CSMD1: variants seen among roughly 807,000 people sequenced by gnomAD.
CSMD1 encodes the protein CUB and sushi domain-containing protein 1.
A neutral mutation model predicts 417.5 loss-of-function variants in CSMD1; 213 were observed. That is an observed-to-expected ratio of 0.51 (90% confidence interval 0.46 to 0.57). The LOEUF is 0.57. Among genes scored for constraint, CSMD1 ranks in the 20% least tolerant of loss-of-function variants. CSMD1 has a pLI of 0.00. For missense variants in CSMD1, 6,923 were observed against 4,529.7 expected (o/e 1.53, Z -15.17); for synonymous variants, 2,862 against 1,736.8 (o/e 1.65, Z -16.11).
chr8:4,417,254 T>A (rs1796994674), intron 3 of CSMD1, among the ~76,000 whole-genome samples: 1 of 152,050 alleles, frequency 6.6e-6, no homozygotes, highest in Admixed American at 6.5e-5. Context: ...ACACGTTGAT[T>A]ACACTATTTT....
chr8:4,247,709 C>T (rs562900984), intron 3 of CSMD1, among the ~76,000 whole-genome samples: 1 of 152,268 alleles, frequency 6.6e-6, no homozygotes, highest in Admixed American at 6.5e-5. Flanking sequence ...TTTTGGTACA[C>T]ATACTATAAC....
chr8:3,202,442 T>C (rs1049196240), intron 31 of CSMD1, among the ~76,000 whole-genome samples: 9 of 152,198 alleles, frequency 5.9e-5, no homozygotes, highest in African/African-American at 2.2e-4. Flanking sequence ...ATGAAAGGTG[T>C]GTGAACACAC....
chr8:3,572,146 TGCCCG>T (rs981116183), intron 10 of CSMD1, among the ~76,000 whole-genome samples: 4 of 152,202 alleles, frequency 2.6e-5, no homozygotes, highest in African/African-American at 9.6e-5. Context: ...CAGAGTTTTC[TGCCCG>T]ACCCATTACA....
At chr8:3,321,425 C>G (rs1270522395) in intron 23 of CSMD1, among the ~76,000 whole-genome samples, 1 of 152,134 alleles carries the variant, frequency 6.6e-6, no homozygotes, top group Non-Finnish European at 1.5e-5. Flanking sequence ...GCATATTCCT[C>G]CTGAAGGCTC....
intron 3 of CSMD1, among the ~76,000 whole-genome samples, chr8:4,061,618 CCAGA>C (rs1563071527): frequency 1.3e-5 from 2 of 152,172 alleles, no homozygotes; most frequent in East Asian, 3.9e-4. Context: ...GACCTGTTTA[CCAGA>C]CAGATTCTGC....
chr8:4,428,781 G>A lies in CSMD1; in HGVS notation c.303-8716C>T, dbSNP rs149969908. Among the ~76,000 whole-genome samples, 795 of 152,152 alleles carry A rather than the reference G, an allele frequency of 5.2e-3. 3 individuals carry two copies. Among genetic ancestry groups the A allele is most frequent in the African/African-American group, 0.018 (744 of 41,516 alleles). ...GTCGCCCAGGCTGGAGTGCAGTGGC[G>A]TGATCTTGGCTCACTGCAACCTCCA... is the stretch of plus-strand genomic sequence containing the variant. On this transcript the variant is annotated intron_variant, in intron 2 of 69. Transcript: ENST00000635120.
At chr8:3,711,814 C>T (rs1187461521) in intron 6 of CSMD1, among the ~76,000 whole-genome samples, 2 of 152,040 alleles carry the variant, frequency 1.3e-5, no homozygotes, top group Non-Finnish European at 2.9e-5. Flanking sequence ...GATGAATGCA[C>T]AATAAATAAC....
intron 2 of CSMD1, among the ~76,000 whole-genome samples, chr8:4,486,215 A>G (rs1801398075): frequency 2.4e-4 from 3 of 12,560 alleles, no homozygotes; most frequent in African/African-American, 8.5e-4. Flanking sequence ...ATATATATAT[A>G]TATATATATA....
intron 10 of CSMD1, among the ~76,000 whole-genome samples, chr8:3,571,895 G>A (rs1034214689): frequency 2.6e-5 from 4 of 152,212 alleles, no homozygotes; most frequent in Admixed American, 6.5e-5. Flanking sequence ...GTGTACTTCC[G>A]TCCTCTCCAC....
At chr8:3,451,965 A>G (rs1184563594) in intron 12 of CSMD1, among the ~76,000 whole-genome samples, 2 of 150,822 alleles carry the variant, frequency 1.3e-5, no homozygotes, top group East Asian at 1.9e-4. Context: ...ATGTTCTTCC[A>G]TTTGTTTGTC....
At chr8:3,465,305 C>A (rs571444811) in intron 12 of CSMD1, among the ~76,000 whole-genome samples, 1 of 152,158 alleles carries the variant, frequency 6.6e-6, no homozygotes, top group African/African-American at 2.4e-5. Flanking sequence ...ACTGAGTAGA[C>A]CCTCCAGGCA....
At chr8:3,367,296 G>A (rs10096251) in intron 19 of CSMD1, 49 bp from the exon 20 acceptor site, 184,829 of 1,298,626 alleles carry the variant, frequency 0.14, 13,532 homozygotes, top group East Asian at 0.26. Flanking sequence ...AGAGACACAC[G>A]GGGCGGCGGG....
intron 7 of CSMD1, among the ~76,000 whole-genome samples, chr8:3,643,293 G>A (rs1038351523): frequency 1.3e-5 from 2 of 152,054 alleles, no homozygotes; most frequent in Non-Finnish European, 2.9e-5. Context: ...TGGATGGAAA[G>A]GAGGGACGGG....
At chr8:3,403,739 C>T (rs1274572382) in intron 15 of CSMD1, among the ~76,000 whole-genome samples, 1 of 152,180 alleles carries the variant, frequency 6.6e-6, no homozygotes, top group Non-Finnish European at 1.5e-5. Flanking sequence ...ATATGCTTGG[C>T]TAGAATACGA....
chr8:3,921,375 G>T (rs565985504), intron 5 of CSMD1, among the ~76,000 whole-genome samples: 1 of 151,546 alleles, frequency 6.6e-6, no homozygotes. Context: ...TCTTTAAATT[G>T]TCTTTCTAGC....
chr8:4,210,293 T>G (rs1344590502), intron 3 of CSMD1, among the ~76,000 whole-genome samples: 3 of 152,236 alleles, frequency 2.0e-5, no homozygotes, highest in Admixed American at 6.5e-5. Context: ...ATTTTCATCC[T>G]CTACTGTTAG....
chr8:4,794,718 T>A (rs942184315), intron 1 of CSMD1, among the ~76,000 whole-genome samples: 3 of 152,168 alleles, frequency 2.0e-5, no homozygotes, highest in Non-Finnish European at 2.9e-5. Flanking sequence ...CAGAGTATTT[T>A]CTCAGGAAAA....
At chr8:4,626,872 C>G (rs1022073267) in intron 2 of CSMD1, among the ~76,000 whole-genome samples, 4 of 152,130 alleles carry the variant, frequency 2.6e-5, no homozygotes, top group South Asian at 4.1e-4. Flanking sequence ...AGAAGAAAAT[C>G]AAGTGAAATA....
At chr8:3,817,300 A>T (rs2129080451) in intron 5 of CSMD1, among the ~76,000 whole-genome samples, 7 of 50,348 alleles carry the variant, frequency 1.4e-4, no homozygotes, top group East Asian at 1.6e-3. Context: ...TTTTTTTTTG[A>T]GATGGAGTCT....
Sources: gnomAD v4.1 joint callset for allele counts (sites outside exome capture counted in the v4.1 genomes callset) on GRCh38, gnomAD v4.1.1 for gene constraint, MANE v1.5 for transcripts, NCBI Gene and HGNC (gene_info 2026-07-23, HGNC 2026-07-21) for gene names.